Variants in SLC24A3 observed in about 807,000 individuals in gnomAD.
SLC24A3 encodes the protein sodium/potassium/calcium exchanger 3.
In SLC24A3, 28 loss-of-function variants were observed where a neutral mutation model predicts 75.8. The observed-to-expected ratio is 0.37, with a 90% confidence interval of 0.27 to 0.51. The LOEUF is 0.51. Among genes scored for constraint, SLC24A3 ranks in the 20% least tolerant of loss-of-function variants. The pLI is 0.94. For missense variants in SLC24A3, 663 were observed against 847.8 expected, an observed-to-expected ratio of 0.78 and a Z score of 2.71; for synonymous variants, 372 against 334.1, an observed-to-expected ratio of 1.11 and a Z score of -1.24.
At chr20:19,332,948 CT>C (rs11478156) in intron 2 of SLC24A3, among the ~76,000 whole-genome samples, 6,330 of 152,268 alleles carry the variant, frequency 0.042, 498 homozygotes, top group East Asian at 0.26. Flanking sequence ...CTGGTTTTGT[CT>C]CCTCCCAGGG....
At chr20:19,513,753 C>T (rs1000007644) in intron 2 of SLC24A3, among the ~76,000 whole-genome samples, 84 of 134,982 alleles carry the variant, frequency 6.2e-4, no homozygotes, top group African/African-American at 2.4e-3. Flanking sequence ...AAAAAAAAAG[C>T]CTTTTTGAGA....
chr20:19,486,208 A>G (rs1988125371), intron 2 of SLC24A3, among the ~76,000 whole-genome samples: 1 of 152,208 alleles, frequency 6.6e-6, no homozygotes, highest in South Asian at 2.1e-4. Flanking sequence ...GTAGGGAAAC[A>G]GAATTTATAA....
intron 15 of SLC24A3, among the ~76,000 whole-genome samples, chr20:19,701,217 G>C (rs1250601733): frequency 1.3e-5 from 2 of 152,086 alleles, no homozygotes; most frequent in Non-Finnish European, 2.9e-5. Context: ...TCCATGTTTA[G>C]CTCTTCCATG....
intron 2 of SLC24A3, among the ~76,000 whole-genome samples, chr20:19,406,093 G>A (rs1986638956): frequency 6.6e-6 from 1 of 152,158 alleles, no homozygotes; most frequent in South Asian, 2.1e-4. Flanking sequence ...TTAGAATGCA[G>A]TCTAAGAGGC....
chr20:19,277,120 T>C (rs987931475), intron 1 of SLC24A3, among the ~76,000 whole-genome samples: 1 of 152,230 alleles, frequency 6.6e-6, no homozygotes, highest in Non-Finnish European at 1.5e-5. Flanking sequence ...TTTCATCCTA[T>C]CCCAGGATCT....
At chr20:19,671,960 A>AG (rs2032473190) in intron 8 of SLC24A3, among the ~76,000 whole-genome samples, 1 of 152,178 alleles carries the variant, frequency 6.6e-6, no homozygotes, top group South Asian at 2.1e-4. Context: ...GAAGGAAGCC[A>AG]GGGGTGTGGC....
rs1032216050 is a variant in SLC24A3 at position 19,698,472 on chromosome 20, A to G, written c.1607-96A>G. On this transcript the variant is annotated intron_variant, in intron 14 of 16. Coordinates refer to ENST00000328041, the MANE Select transcript of SLC24A3 (RefSeq NM_020689.4). ...GAGAAGCACATATGTGAGCTTGCAG[A>G]ACCACTCTCTGGCTGTGAGACTAAA... 18 of 778,290 alleles carry G rather than the reference A, an allele frequency of 2.3e-5. No homozygotes were observed. The African/African-American group carries it at 3.1e-4, about 13-fold the overall frequency. The allele number at this position is 778,290 out of a possible 1,614,324, so 48.2% of individuals were successfully genotyped here.
At chr20:19,663,999 T>C (rs2032369100) in intron 7 of SLC24A3, among the ~76,000 whole-genome samples, 1 of 152,142 alleles carries the variant, frequency 6.6e-6, no homozygotes, top group Non-Finnish European at 1.5e-5. Context: ...AATAAGGGCT[T>C]TCTAAAAGCT....
chr20:19,671,941 T>C (rs2032472788), intron 8 of SLC24A3, among the ~76,000 whole-genome samples: 1 of 151,798 alleles, frequency 6.6e-6, no homozygotes, highest in African/African-American at 2.4e-5. Context: ...AAGGAGAAGC[T>C]GGGGGCAGGA....
At chr20:19,558,073 T>C (rs758304396) in intron 3 of SLC24A3, among the ~76,000 whole-genome samples, 4 of 151,976 alleles carry the variant, frequency 2.6e-5, no homozygotes, top group Non-Finnish European at 5.9e-5. Flanking sequence ...GGGAGGGAAA[T>C]GAGGATGGAG....
At chr20:19,677,686 CTTT>C (rs796484728) in intron 9 of SLC24A3, among the ~76,000 whole-genome samples, 14,982 of 113,736 alleles carry the variant, frequency 0.13, 879 homozygotes, top group African/African-American at 0.24. Flanking sequence ...TTTTTTTTTT[CTTT>C]TTTTTTTTTT....
At chr20:19,424,550 T>C (rs1479686827) in intron 2 of SLC24A3, among the ~76,000 whole-genome samples, 4 of 149,750 alleles carry the variant, frequency 2.7e-5, no homozygotes, top group Non-Finnish European at 4.5e-5. Context: ...ATTAGCCGAG[T>C]GGTAGTGGTG....
intron 2 of SLC24A3, among the ~76,000 whole-genome samples, chr20:19,362,221 G>C (rs1344084598): frequency 1.3e-5 from 2 of 152,192 alleles, no homozygotes; most frequent in Non-Finnish European, 2.9e-5. Flanking sequence ...ATTTTAATTA[G>C]CATTTCTAGT....
At chr20:19,618,707 T>C (rs1375308743) in intron 6 of SLC24A3, among the ~76,000 whole-genome samples, 1 of 152,210 alleles carries the variant, frequency 6.6e-6, no homozygotes, top group Non-Finnish European at 1.5e-5. Context: ...GTGATAGTGC[T>C]TCCTAGTGGG....
chr20:19,267,101 G>A (rs1027095410), intron 1 of SLC24A3, among the ~76,000 whole-genome samples: 6 of 152,170 alleles, frequency 3.9e-5, no homozygotes, highest in East Asian at 1.9e-4. Context: ...AGAACAAAAC[G>A]TGGATTTTTC....
intron 2 of SLC24A3, among the ~76,000 whole-genome samples, chr20:19,360,849 C>T (rs542124311): frequency 1.1e-4 from 16 of 149,484 alleles, no homozygotes; most frequent in African/African-American, 2.7e-4. Flanking sequence ...TTTTTTGAGA[C>T]GGAGTCTCGC....
At chr20:19,553,051 T>TTCCTTCCC (rs1366333586) in intron 3 of SLC24A3, among the ~76,000 whole-genome samples, 1 of 126,980 alleles carries the variant, frequency 7.9e-6, no homozygotes, top group African/African-American at 2.8e-5. Context: ...CCCTCCTTCT[T>TTCCTTCCC]TCCTTCCCTC....
chr20:19,341,149 G>T (rs1985263853), intron 2 of SLC24A3, among the ~76,000 whole-genome samples: 1 of 152,220 alleles, frequency 6.6e-6, no homozygotes, highest in Non-Finnish European at 1.5e-5. Flanking sequence ...GATGTGGTCT[G>T]GGTAGCGGGA....
At chr20:19,545,418 G>A (rs1484219671) in intron 3 of SLC24A3, among the ~76,000 whole-genome samples, 2 of 152,218 alleles carry the variant, frequency 1.3e-5, no homozygotes. Flanking sequence ...GGACAGAGCT[G>A]CTCCGTGTAT....
Sources: allele counts gnomAD v4.1 joint callset (sites outside exome capture counted in the v4.1 genomes callset), GRCh38; gene constraint gnomAD v4.1.1; transcripts MANE v1.5; gene names NCBI Gene and HGNC (gene_info 2026-07-23, HGNC 2026-07-21).